Variants in STXBP5L observed in about 807,000 individuals in gnomAD.
STXBP5L encodes the protein syntaxin-binding protein 5-like.
In STXBP5L, 65 loss-of-function variants were observed where a neutral mutation model predicts 144.5. That is an observed-to-expected ratio of 0.45 (90% CI 0.37 to 0.55). STXBP5L has a LOEUF of 0.55. Among genes scored for constraint, STXBP5L ranks in the 20% least tolerant of loss-of-function variants. The probability of loss-of-function intolerance (pLI) is 0.00; values close to 1 mark genes in which losing one functional copy is unlikely to be tolerated. For synonymous variants in STXBP5L, 505 were observed against 469.6 expected, an observed-to-expected ratio of 1.08 and a Z score of -0.97; for missense variants, 1,298 against 1,405.5, an observed-to-expected ratio of 0.92 and a Z score of 1.22.
intron 3 of STXBP5L, 34 bp from the exon 4 acceptor site, chr3:121,041,666 A>T: frequency 2.7e-6 from 4 of 1,495,632 alleles, no homozygotes; most frequent in African/African-American, 1.4e-5. Context: ...GGTGCTAATT[A>T]AAATGTTAGA....
intron 3 of STXBP5L, among the ~76,000 whole-genome samples, chr3:121,006,447 C>T (rs373686831): frequency 2.0e-5 from 3 of 151,776 alleles, no homozygotes; most frequent in Admixed American, 6.6e-5. Context: ...TATGTGTGTC[C>T]CTGCACGTGA....
At chr3:121,027,830 G>A (rs1946063421) in intron 3 of STXBP5L, among the ~76,000 whole-genome samples, 1 of 151,606 alleles carries the variant, frequency 6.6e-6, no homozygotes, top group Admixed American at 6.6e-5. Context: ...ACATCTTCAG[G>A]GCTGGTGCAT....
At chr3:121,106,768 A>T (rs1376400711) in intron 5 of STXBP5L, among the ~76,000 whole-genome samples, 1 of 152,174 alleles carries the variant, frequency 6.6e-6, no homozygotes, top group Non-Finnish European at 1.5e-5. Context: ...CAGTAATGGG[A>T]TTGCTGGGTC....
intron 7 of STXBP5L, among the ~76,000 whole-genome samples, chr3:121,122,196 A>G (rs1466298495): frequency 6.6e-6 from 1 of 150,470 alleles, no homozygotes; most frequent in Non-Finnish European, 1.5e-5. Context: ...AACAGTTGAA[A>G]ACATGAAAAT....
At chr3:121,218,592 G>A (rs1372323064) in intron 10 of STXBP5L, among the ~76,000 whole-genome samples, 2 of 151,796 alleles carry the variant, frequency 1.3e-5, no homozygotes, top group African/African-American at 4.8e-5. Flanking sequence ...ACCCAGCCTT[G>A]AAGGGAGTAG....
chr3:121,165,609 C>G (rs1013805790), intron 9 of STXBP5L, among the ~76,000 whole-genome samples: 5 of 152,046 alleles, frequency 3.3e-5, no homozygotes, highest in Admixed American at 6.5e-5. Flanking sequence ...CTCGCAGACA[C>G]TTTGAAGGGT....
intron 5 of STXBP5L, among the ~76,000 whole-genome samples, chr3:121,111,856 C>T (rs2107815756): frequency 6.6e-6 from 1 of 152,174 alleles, no homozygotes; most frequent in African/African-American, 2.4e-5. Flanking sequence ...GGAGAGAGAC[C>T]ATGGCTGCCC....
At chr3:120,940,079 AT>A (rs1559890243) in intron 2 of STXBP5L, among the ~76,000 whole-genome samples, 1 of 152,078 alleles carries the variant, frequency 6.6e-6, no homozygotes, top group African/African-American at 2.4e-5. Flanking sequence ...AAGCCAAATT[AT>A]TTTCTATGAC....
chr3:121,220,599 T>C (rs1390165717), intron 10 of STXBP5L, among the ~76,000 whole-genome samples: 2 of 152,138 alleles, frequency 1.3e-5, no homozygotes, highest in Non-Finnish European at 2.9e-5. Context: ...TTTCTCAGAA[T>C]TTTTAACATA....
intron 7 of STXBP5L, among the ~76,000 whole-genome samples, chr3:121,138,539 G>GGT (rs2045360475): frequency 6.6e-6 from 1 of 152,104 alleles, no homozygotes; most frequent in South Asian, 2.1e-4. Context: ...AAAACAGCAT[G>GGT]GTGCTGGCAT....
At chr3:121,339,879 C>T (rs2044644355) in intron 20 of STXBP5L, among the ~76,000 whole-genome samples, 1 of 149,764 alleles carries the variant, frequency 6.7e-6, no homozygotes, top group Admixed American at 6.7e-5. Flanking sequence ...AGGAGGACTA[C>T]AAAACACCAC....
intron 3 of STXBP5L, among the ~76,000 whole-genome samples, chr3:120,979,217 G>C (rs192443570): frequency 5.4e-4 from 83 of 152,312 alleles, no homozygotes; most frequent in African/African-American, 1.9e-3. Context: ...GAGCTTCCCG[G>C]CTGCTTTGTT....
intron 9 of STXBP5L, among the ~76,000 whole-genome samples, chr3:121,165,790 G>C (rs1337384964): frequency 6.6e-6 from 1 of 152,052 alleles, no homozygotes; most frequent in African/African-American, 2.4e-5. Flanking sequence ...AACTTCCCGA[G>C]GCTCCACCCC....
intron 20 of STXBP5L, among the ~76,000 whole-genome samples, chr3:121,356,249 T>G (rs1177023523): frequency 6.6e-6 from 1 of 152,242 alleles, no homozygotes; most frequent in Non-Finnish European, 1.5e-5. Context: ...GACATTTAAG[T>G]CTGCAGAAGT....
Position 121,323,960 on chromosome 3 carries a change from T to G in STXBP5L, c.2176+5420T>G, listed in dbSNP as rs555135887. 2.6e-5 allele frequency among the ~76,000 whole-genome samples: 4 copies of G among 152,304 alleles called. No homozygotes were observed. The South Asian group carries it at 8.3e-4, about 32-fold the overall frequency. On this transcript the variant is annotated intron_variant, in intron 20 of 26. Transcript: ENST00000471454. Reference sequence around the variant, plus strand: ...TTCTAAATGTTGTTTGTTTTTCTAATGTCCTATTGAATGTATGCCTTTTTT... The same window carrying G: ...TTCTAAATGTTGTTTGTTTTTCTAAGGTCCTATTGAATGTATGCCTTTTTT...
intron 5 of STXBP5L, among the ~76,000 whole-genome samples, chr3:121,054,430 G>A (rs910128531): frequency 3.9e-5 from 6 of 152,214 alleles, no homozygotes; most frequent in South Asian, 2.1e-4. Flanking sequence ...ATGAGTTCAT[G>A]TCCTTTGTAG....
intron 9 of STXBP5L, among the ~76,000 whole-genome samples, chr3:121,161,464 G>A (rs1313323621): frequency 6.6e-6 from 1 of 151,306 alleles, no homozygotes; most frequent in African/African-American, 2.4e-5. Flanking sequence ...AATTTTGCGG[G>A]GTATCTTTTA....
At chr3:120,959,732 T>C (rs762698676) in intron 3 of STXBP5L, among the ~76,000 whole-genome samples, 1 of 152,192 alleles carries the variant, frequency 6.6e-6, no homozygotes, top group South Asian at 2.1e-4. Context: ...ATCCCTTCCT[T>C]ACACCTTATA....
At chr3:120,909,539 T>G in intron 1 of STXBP5L, 32 bp from the exon 2 acceptor site, 4 of 1,592,516 alleles carry the variant, frequency 2.5e-6, no homozygotes, top group Non-Finnish European at 3.4e-6. Flanking sequence ...AAGTCACCTC[T>G]TTCCCTTTTT....
Sources: gnomAD v4.1 joint callset for allele counts (sites outside exome capture counted in the v4.1 genomes callset) on GRCh38, gnomAD v4.1.1 for gene constraint, MANE v1.5 for transcripts, NCBI Gene and HGNC (gene_info 2026-07-23, HGNC 2026-07-21) for gene names.